The following UBR4 variants were observed in gnomAD, a reference collection of about 807,000 sequenced individuals.
The protein encoded by UBR4 is ubiquitin protein ligase E3 component n-recognin 4.
In UBR4, 124 loss-of-function variants were observed where a neutral mutation model predicts 575.6. The observed-to-expected ratio is 0.22, with a 90% CI of 0.19 to 0.25. UBR4 has a LOEUF of 0.25. UBR4 is among the 10% of genes least tolerant of loss of function. The probability of loss-of-function intolerance (pLI) is 1.00; values close to 1 mark genes in which losing one functional copy is unlikely to be tolerated. For missense variants in UBR4, 4,818 were observed against 6,478.8 expected (o/e 0.74, Z 8.80); for synonymous variants, 2,455 against 2,473.7 (o/e 0.99, Z 0.22).
chr1:19,122,079 G>T, intron 66 of UBR4, 67 bp from the exon 67 acceptor site: 1 of 1,494,036 alleles, frequency 6.7e-7, no homozygotes, highest in Non-Finnish European at 9.3e-7. Flanking sequence ...CACCACACCT[G>T]CTGCCTGGAG....
intron 65 of UBR4, 43 bp downstream of exon 65, chr1:19,124,498 T>C: frequency 1.2e-6 from 2 of 1,608,126 alleles, no homozygotes; most frequent in Non-Finnish European, 1.7e-6. Context: ...AATGCAGATG[T>C]GTCCTCAGCC....
intron 35 of UBR4, 25 bp from the exon 36 acceptor site, chr1:19,161,922 A>G: frequency 6.2e-7 from 1 of 1,613,192 alleles, no homozygotes; most frequent in Non-Finnish European, 8.5e-7. Flanking sequence ...AGTCTTTTTA[A>G]TTCGAAATAT....
chr1:19,161,546 C>A, intron 37 of UBR4, 43 bp downstream of exon 37: 1 of 1,546,388 alleles, frequency 6.5e-7, no homozygotes, highest in Non-Finnish European at 8.7e-7. Context: ...AATCCCGTGT[C>A]ACTAACAAGC....
intron 65 of UBR4, among the ~76,000 whole-genome samples, chr1:19,124,199 C>T (rs75817701): frequency 0.04 from 6,083 of 152,192 alleles, 350 homozygotes; most frequent in African/African-American, 0.13. Context: ...TTTTGTTGTC[C>T]AACAGCATTT....
intron 73 of UBR4, among the ~76,000 whole-genome samples, chr1:19,116,226 A>T: frequency 6.6e-6 from 1 of 152,168 alleles, no homozygotes; most frequent in East Asian, 1.9e-4. Context: ...GTGGGGTCCT[A>T]CCTCCATTTT....
In UBR4 at chr1:19,100,120, C is replaced by T. The variant is rs2078478621; in HGVS notation, c.13221+256G>A. ...AGGCAATAACGATAATAAATACCCA[C>T]CACCACTACAACCAACAGCCATTAA... On this transcript the variant is annotated intron_variant, in intron 89 of 105. Coordinates refer to ENST00000375254, the MANE Select transcript of UBR4 (RefSeq NM_020765.3). This position sits in a 1 kb window ranked among gnomAD's most constrained non-coding sequence, Gnocchi z 4.2. 1 of 522,322 alleles carries T rather than the reference C, an allele frequency of 1.9e-6. No homozygotes were observed. Among genetic ancestry groups the T allele is most frequent in the Non-Finnish European group, 3.4e-6 (1 of 295,870 alleles). 32.4% of individuals were successfully genotyped at this position (522,322 alleles called of 1,614,324 possible).
rs1022696816 is a variant in UBR4, at chr1:19,177,594, T to C, written c.2504A>G (p.Gln835Arg). ...GTTGACGCTCAACTCCTGGATGATC[T>C]GGACAAAAAGCGACAATATGGCCCG... ...GRRAILSLFV[Q>R]IIQELSVNMD... Residue 835 changes from glutamine to arginine, a missense_variant, in exon 19 of 106, where the codon CAG (glutamine) becomes CGG (arginine). This residue lies in a region of UBR4 where 1,172 missense variants were observed against 1,259.7 expected (regional missense o/e 0.93). Transcript: ENST00000375254. 14 of 1,613,266 alleles carry C rather than the reference T, an allele frequency of 8.7e-6. No homozygotes were observed. Among genetic ancestry groups the C allele is most frequent in the Non-Finnish European group, 1.0e-5 (12 of 1,179,946 alleles).
intron 34 of UBR4, 110 bp from the exon 35 acceptor site, chr1:19,162,721 G>T: frequency 7.7e-7 from 1 of 1,298,228 alleles, no homozygotes; most frequent in Non-Finnish European, 1.0e-6. Context: ...TGGTATGAGA[G>T]CAGAGAAGAA....
chr1:19,193,807 G>A (rs1167708048), intron 8 of UBR4, among the ~76,000 whole-genome samples: 2 of 151,982 alleles, frequency 1.3e-5, no homozygotes, highest in Non-Finnish European at 2.9e-5. Flanking sequence ...TCCTTCAATA[G>A]GAGAACACAG....
intron 73 of UBR4, among the ~76,000 whole-genome samples, chr1:19,116,581 G>C (rs1211905674): frequency 6.6e-6 from 1 of 152,188 alleles, no homozygotes; most frequent in Non-Finnish European, 1.5e-5. Flanking sequence ...TATTCAAGTA[G>C]TGTCAACCTG....
At chr1:19,204,889 C>T (rs1245573614) in intron 1 of UBR4, among the ~76,000 whole-genome samples, 1 of 152,058 alleles carries the variant, frequency 6.6e-6, no homozygotes, top group East Asian at 1.9e-4. Flanking sequence ...TCCAACCTCA[C>T]CCTCATGCCC....
At chr1:19,165,630 A>G in intron 30 of UBR4, 26 bp downstream of exon 30, 1 of 1,602,026 alleles carries the variant, frequency 6.2e-7, no homozygotes, top group Middle Eastern at 1.7e-4. Context: ...AAAAATATTC[A>G]CTGAATAAAG....
chr1:19,086,535 G>C, intron 100 of UBR4, 144 bp downstream of exon 100: 1 of 1,269,666 alleles, frequency 7.9e-7, no homozygotes, highest in Non-Finnish European at 1.1e-6. Context: ...ATAACTGCTT[G>C]GGGACCTATA....
At chr1:19,119,501 G>C (rs1327892744) in intron 70 of UBR4, 56 bp downstream of exon 70, 2 of 1,582,534 alleles carry the variant, frequency 1.3e-6, no homozygotes, top group East Asian at 4.5e-5. Context: ...CTTAACTCAA[G>C]AGAAAAAAGG....
At chr1:19,075,810 G>A (rs1014481895) in intron 105 of UBR4, among the ~76,000 whole-genome samples, 1 of 152,242 alleles carries the variant, frequency 6.6e-6, no homozygotes, top group Non-Finnish European at 1.5e-5. Flanking sequence ...TAGAGAAAAT[G>A]TTAGCAGAGG....
At chr1:19,202,969 C>A (rs1200263300) in intron 1 of UBR4, among the ~76,000 whole-genome samples, 3 of 151,702 alleles carry the variant, frequency 2.0e-5, no homozygotes, top group African/African-American at 4.8e-5. Context: ...GTAATCCCAG[C>A]TACTCAGAAG....
At chr1:19,143,315 A>AAAGAAAGAAAGG (rs2084350295) in intron 55 of UBR4, among the ~76,000 whole-genome samples, 1 of 146,670 alleles carries the variant, frequency 6.8e-6, no homozygotes, top group African/African-American at 2.5e-5. Flanking sequence ...AGAAAGAAAG[A>AAAGAAAGAAAGG]AAGAAAATTT....
chr1:19,126,763 T>C, intron 63 of UBR4, 108 bp from the exon 64 acceptor site: 1 of 1,184,680 alleles, frequency 8.4e-7, no homozygotes, highest in Non-Finnish European at 1.2e-6. Context: ...TCTTAGCTTT[T>C]ATGGCAGTGA....
At chr1:19,178,825 A>G (rs980035500) in intron 18 of UBR4, among the ~76,000 whole-genome samples, 2 of 152,200 alleles carry the variant, frequency 1.3e-5, no homozygotes, top group African/African-American at 4.8e-5. Context: ...CCATCGCATA[A>G]TTATAACCAA....
Sources: allele counts gnomAD v4.1 joint callset (sites outside exome capture counted in the v4.1 genomes callset), GRCh38; gene constraint gnomAD v4.1.1; regional missense constraint gnomAD v4.1.1; non-coding constraint Gnocchi (gnomAD v3.1); transcripts MANE v1.5; gene names NCBI Gene and HGNC (gene_info 2026-07-23, HGNC 2026-07-21).